Variants in COG4 observed in about 807,000 individuals in gnomAD.
COG4 encodes component of oligomeric golgi complex 4.
COG4 carries 65 observed loss-of-function variants against 95.1 expected under a neutral mutation model. That is an observed-to-expected ratio of 0.68 (90% confidence interval 0.56 to 0.84). COG4 has a LOEUF of 0.84. Ranked by LOEUF, COG4 falls within the 40% of genes least tolerant of loss-of-function variation. The pLI is 0.00. For synonymous variants in COG4, 421 were observed against 374.8 expected (o/e 1.12, Z -1.42); for missense variants, 1,045 against 989.1 (o/e 1.06, Z -0.76).
intron 5 of COG4, among the ~76,000 whole-genome samples, chr16:70,510,685 T>C (rs1170336278): frequency 1.3e-5 from 2 of 152,080 alleles, no homozygotes; most frequent in African/African-American, 4.8e-5. Flanking sequence ...GAAGGGACTT[T>C]TACTGGATTA....
In COG4 at chr16:70,497,279, T is replaced by C. The variant is rs1276785864; in HGVS notation, c.1423A>G (p.Ile475Val). 1.2e-6 allele frequency: 2 copies of C among 1,614,046 alleles called. No individual in the cohort carries two copies. Among genetic ancestry groups the C allele is most frequent in the Non-Finnish European group, 1.7e-6 (2 of 1,180,038 alleles). Residue 475 changes from isoleucine (I) to valine (V), a missense_variant, in exon 11 of 19, where the codon ATT becomes GTT. Physicochemically the swap from Ile to Val is conservative, Grantham distance 29 (BLOSUM62 3). Coordinates refer to ENST00000323786, the MANE Select transcript of COG4 (RefSeq NM_015386.3). Reference sequence around the variant, plus strand: ...TTGATCATGGCACAGAGACAGTCAATGCTGGAGCTGGACAGAGCCCGCCCA... The same window carrying C: ...TTGATCATGGCACAGAGACAGTCAACGCTGGAGCTGGACAGAGCCCGCCCA... ...CIGRALSSSS[I>V]DCLCAMINLA...
intron 13 of COG4, among the ~76,000 whole-genome samples, chr16:70,484,901 T>C (rs1428655577): frequency 6.6e-6 from 1 of 151,888 alleles, no homozygotes; most frequent in African/African-American, 2.4e-5. Flanking sequence ...AAGTACCTAT[T>C]CTACTTAAAA....
intron 14 of COG4, 103 bp from the exon 15 acceptor site, chr16:70,482,924 C>CCTCTCCTCTCCCCATCCCTTCCTT (rs1394149162): frequency 1.1e-5 from 9 of 811,006 alleles, no homozygotes; most frequent in East Asian, 5.6e-5. Flanking sequence ...CCATCCCTTT[C>CCTCTCCTCTCCCCATCCCTTCCTT]CTCTCCTCTC....
In COG4 at chr16:70,511,659, G is replaced by A. The variant is rs145559871; in HGVS notation, c.738+580C>T. Among the ~76,000 whole-genome samples, 805 of 152,188 alleles carry A rather than the reference G, an allele frequency of 5.3e-3. 5 individuals are homozygous for A. The highest frequency in any genetic ancestry group is 0.018 in the African/African-American group (758 of 41,528). ...GCTTTAAGAGTGATTCAGACTGGGC[G>A]TGGTGGCTCACACCTGTAATCCCAT... On this transcript the variant is annotated intron_variant, in intron 5 of 18. Transcript: ENST00000323786.
intron 9 of COG4, among the ~76,000 whole-genome samples, chr16:70,499,640 T>A (rs145516686): frequency 6.6e-6 from 1 of 152,336 alleles, no homozygotes; most frequent in African/African-American, 2.4e-5. Context: ...TAAATGAAAT[T>A]GGACTCTGGC....
In COG4 at chr16:70,508,467, G is replaced by A. The variant is rs1471387423; in HGVS notation, c.1003-3C>T. 2 of 1,613,416 alleles carry A rather than the reference G, an allele frequency of 1.2e-6. No homozygotes were observed. The highest frequency in any genetic ancestry group is 1.3e-5 in the African/African-American group (1 of 74,912). On this transcript the variant is annotated splice_polypyrimidine_tract_variant and splice_region_variant and intron_variant, in intron 7 of 18. Transcript: ENST00000323786. The stretch of plus-strand genomic sequence containing the variant: ...AGGTTGTTCTGAACATGCCGGAACT[G>A]CAACATACCACAGGAATGAGAATAT...
intron 1 of COG4, among the ~76,000 whole-genome samples, chr16:70,520,404 A>G (rs2049916016): frequency 1.0e-5 from 1 of 100,398 alleles, no homozygotes; most frequent in Non-Finnish European, 1.9e-5. Context: ...GCTTGCAGTG[A>G]GCCGAGATCA....
intron 12 of COG4, among the ~76,000 whole-genome samples, chr16:70,492,456 C>T (rs1183052553): frequency 2.6e-5 from 4 of 151,788 alleles, no homozygotes; most frequent in East Asian, 3.9e-4. Context: ...GTTGGGAGTT[C>T]GGGACTAGCC....
intron 13 of COG4, among the ~76,000 whole-genome samples, chr16:70,485,832 G>A (rs2049119638): frequency 6.6e-6 from 1 of 151,484 alleles, no homozygotes; most frequent in Admixed American, 6.6e-5. Context: ...TGATCTGCCC[G>A]CCTGAGCCTC....
At position 70,498,017 on chromosome 16, in the gene COG4, G is replaced by T. The variant is rs769444471; in HGVS notation, c.1234C>A (p.Leu412Ile). Residue 412 changes from leucine (L) to isoleucine (I), a missense_variant, in exon 10 of 19, where the codon CTT (leucine) becomes ATT (isoleucine). Leu to Ile is a conservative substitution (Grantham distance 5). Coordinates refer to ENST00000323786, the MANE Select transcript of COG4 (RefSeq NM_015386.3). ...KCLDKLLNNC[L>I]LSCTMQELIG... is the part of the protein sequence containing the mutation. ...AGCTCCTGCATGGTACAGCTCAAAAGGCAGTTATTGAGGAGTTTGTCCAGA... is the reference window on the plus strand; with the variant it reads ...AGCTCCTGCATGGTACAGCTCAAAATGCAGTTATTGAGGAGTTTGTCCAGA... The T allele has an allele frequency of 1.7e-5, 28 of 1,613,578 alleles. No homozygotes were observed. The highest frequency in any genetic ancestry group is 2.3e-5 in the Non-Finnish European group (27 of 1,179,638).
At chr16:70,508,818 CA>C (rs1567389302) in intron 7 of COG4, 1 of 547,746 alleles carries the variant, frequency 1.8e-6, no homozygotes. Flanking sequence ...AAGGAAAAAA[CA>C]AAGTTCTGAA....
rs905912382 is a variant in COG4 at position 70,500,876 on chromosome 16, A to G, written c.1195+82T>C. 2.5e-5 allele frequency: 38 copies of G among 1,546,634 alleles called. 1 individual carries two copies. Among genetic ancestry groups the G allele is most frequent in the Middle Eastern group, 3.3e-4 (2 of 5,978 alleles). On this transcript the variant is annotated intron_variant, in intron 9 of 18. Transcript: ENST00000323786. ...CTAATAAGTTCCAATTGTTTCCTTA[A>G]TAAGAGATTTGTGGCTTAACTATTA...
At position 70,496,346 on chromosome 16, in the gene COG4, T is replaced by C; in HGVS notation, c.1567A>G (p.Ile523Val). 1 of 1,614,186 alleles carries C rather than the reference T, an allele frequency of 6.2e-7. No individual in the cohort carries two copies. The highest frequency in any genetic ancestry group is 8.5e-7 in the Non-Finnish European group (1 of 1,180,028). ...IQRGVTSAVN[I>V]MHSSLQQGKF... is the part of the protein sequence containing the mutation. ...CCTTGCTGGAGGCTGCTGTGCATGATGTTCACGGCACTTGTCACCCCGCGC... is the reference window on the plus strand; with the variant it reads ...CCTTGCTGGAGGCTGCTGTGCATGACGTTCACGGCACTTGTCACCCCGCGC... The change falls in exon 12 of 19, where the codon ATC (isoleucine) becomes GTC (valine). Residue 523 changes from isoleucine (I) to valine (V), a missense_variant. Ile to Val is a conservative substitution (Grantham distance 29, BLOSUM62 3). Transcript: ENST00000323786.
At chr16:70,521,129 G>C (rs1037229702) in intron 1 of COG4, among the ~76,000 whole-genome samples, 11 of 151,804 alleles carry the variant, frequency 7.2e-5, no homozygotes, top group Non-Finnish European at 2.9e-5. Context: ...TGCCCAGGCT[G>C]GTCTCCAACT....
At chr16:70,483,619 C>T (rs1204549583) in intron 14 of COG4, among the ~76,000 whole-genome samples, 3 of 152,138 alleles carry the variant, frequency 2.0e-5, no homozygotes, top group Non-Finnish European at 4.4e-5. Flanking sequence ...CATTGTGGGG[C>T]CAAGTGCAAA....
chr16:70,481,999 G>T (rs1483802814), intron 16 of COG4, 93 bp downstream of exon 16: 25 of 1,362,902 alleles, frequency 1.8e-5, no homozygotes, highest in Non-Finnish European at 2.6e-5. Flanking sequence ...GGGCTTTCAG[G>T]GTCCCCAGAA....
At chr16:70,498,604 C>A (rs994557269) in intron 9 of COG4, among the ~76,000 whole-genome samples, 1 of 152,120 alleles carries the variant, frequency 6.6e-6, no homozygotes, top group African/African-American at 2.4e-5. Flanking sequence ...GGATTACAGG[C>A]GTGAGCCACC....
intron 4 of COG4, among the ~76,000 whole-genome samples, chr16:70,513,453 G>C (rs1410715237): frequency 6.6e-6 from 1 of 152,176 alleles, no homozygotes; most frequent in African/African-American, 2.4e-5. Context: ...TTCCAAGACC[G>C]TTATGGATGC....
chr16:70,482,143 A>G lies in COG4; in HGVS notation c.1953T>C (p.Pro651=), dbSNP rs763601683. The change falls in exon 16 of 19, where the codon CCT becomes CCC. Residue 651 remains proline (P), a synonymous_variant. Transcript: ENST00000323786. The stretch of plus-strand genomic sequence containing the variant: ...GGTTAAGGATGAACTGTTGTACCCA[A>G]GGGTCGTTGGCCTCATAGTCATTGA... ...EEFNDYEAND[P]WVQQFILNLE... The G allele has an allele frequency of 6.2e-7, 1 of 1,614,018 alleles. No homozygotes were observed. The highest frequency in any genetic ancestry group is 8.5e-7 in the Non-Finnish European group (1 of 1,179,940).
Sources: gnomAD v4.1 joint callset for allele counts (sites outside exome capture counted in the v4.1 genomes callset) on GRCh38, gnomAD v4.1.1 for gene constraint, MANE v1.5 for transcripts, NCBI Gene and HGNC (gene_info 2026-07-23, HGNC 2026-07-21) for gene names.